C10orf143: variants seen among roughly 807,000 people sequenced by gnomAD.
The protein encoded by C10orf143 is chromosome 10 open reading frame 143, also known as uncharacterized protein C10orf143.
chr10:130,068,568 G>T (rs532903613), intron 3 of C10orf143: 1 of 124,208 alleles, frequency 8.1e-6, no homozygotes, highest in South Asian at 2.5e-4. Context: ...CTGAGATCAT[G>T]CCATTGCACT....
In C10orf143 at chr10:130,106,236, G is replaced by C. The variant is rs61750898; in HGVS notation, c.69+4468C>G. On this transcript the variant is annotated intron_variant, in intron 1 of 3. Transcript: ENST00000637128. ...CTCCTTTTTCTGTGGAGAAGTTTTA[G>C]ATCGGTTAGGAGTCGGCTTTATGTG... 6.3e-3 allele frequency: 8,804 copies of C among 1,407,146 alleles called. 467 individuals are homozygous for C. The African/African-American group carries it at 0.11, about 18-fold the overall frequency. The allele number at this position is 1,407,146 out of a possible 1,614,324, so 87.2% of individuals were successfully genotyped here. A position where few individuals can be genotyped will look rare whatever the true frequency, so the allele number is the denominator to read the frequency against.
intron 3 of C10orf143, among the ~76,000 whole-genome samples, chr10:130,050,196 T>A (rs1406882691): frequency 6.6e-6 from 1 of 152,246 alleles, no homozygotes; most frequent in African/African-American, 2.4e-5. Flanking sequence ...TGGGCCACGC[T>A]CACACCCAAA....
chr10:130,043,463 C>T lies in C10orf143; in HGVS notation c.298-7493G>A, dbSNP rs575225602. Among the ~76,000 whole-genome samples the T allele has an allele frequency of 1.5e-4, 23 of 152,258 alleles. No individual in the cohort carries two copies. The East Asian group carries it at 2.7e-3, about 18-fold the overall frequency. ...AAGACGGGCAGGTGGGAAAAAGCCC[C>T]GCCCCTCTGTACTGTGCTTCTCTCT... On this transcript the variant is annotated intron_variant and NMD_transcript_variant, in intron 3 of 5. Coordinates refer to the C10orf143 transcript ENST00000643056.
intron 3 of C10orf143, among the ~76,000 whole-genome samples, chr10:130,037,943 G>A (rs1321638976): frequency 1.3e-5 from 2 of 152,080 alleles, no homozygotes; most frequent in African/African-American, 4.8e-5. Flanking sequence ...TCCAGATTCC[G>A]GCAGGCGTCT....
In C10orf143 at chr10:130,048,572, A is replaced by C. The variant is rs867057692; in HGVS notation, c.298-12602T>G. On this transcript the variant is annotated intron_variant and NMD_transcript_variant, in intron 3 of 5. Coordinates refer to the C10orf143 transcript ENST00000643056. ...ATCCATGGGAGCCCAAAGAATTGAG[A>C]CGTGCAGGGACCTCGGTCACTTTTA... Among the ~76,000 whole-genome samples, 136 of 152,274 alleles carry C rather than the reference A, an allele frequency of 8.9e-4. No individual in the cohort carries two copies. In the Middle Eastern group the frequency reaches 0.01, roughly 11 times the overall value.
intron 1 of C10orf143, among the ~76,000 whole-genome samples, chr10:130,102,396 T>C (rs1300839465): frequency 6.6e-6 from 1 of 152,100 alleles, no homozygotes; most frequent in Non-Finnish European, 1.5e-5. Flanking sequence ...CCTCAGCCTC[T>C]TGAGTAGCTG....
intron 1 of C10orf143, among the ~76,000 whole-genome samples, 190 bp downstream of exon 1, chr10:130,110,514 T>C (rs1670506439): frequency 6.6e-6 from 1 of 152,192 alleles, no homozygotes; most frequent in African/African-American, 2.4e-5. Flanking sequence ...GAGAGCGGCG[T>C]CACAACCCCG....
intron 1 of C10orf143, among the ~76,000 whole-genome samples, chr10:130,101,864 CCA>C (rs1200404067): frequency 4.1e-5 from 1 of 24,186 alleles, no homozygotes; most frequent in Non-Finnish European, 7.7e-5. Flanking sequence ...AAAAAAAAAA[CCA>C]AAAAAAAAAA....
intron 3 of C10orf143, among the ~76,000 whole-genome samples, chr10:130,036,610 C>A (rs961370189): frequency 2.0e-5 from 3 of 152,216 alleles, no homozygotes; most frequent in Non-Finnish European, 4.4e-5. Flanking sequence ...CCACCTGGTT[C>A]CTGTAAGCGT....
chr10:130,071,064 C>T (rs1861024909), intron 3 of C10orf143, among the ~76,000 whole-genome samples: 1 of 151,994 alleles, frequency 6.6e-6, no homozygotes, highest in Non-Finnish European at 1.5e-5. Flanking sequence ...TACAGGCATG[C>T]GCCACCATGC....
intron 1 of C10orf143, among the ~76,000 whole-genome samples, chr10:130,095,038 C>T (rs962250710): frequency 4.2e-4 from 64 of 152,134 alleles, no homozygotes; most frequent in African/African-American, 1.5e-3. Context: ...TCTCAGGATA[C>T]AAAATCAATG....
At chr10:130,057,460 A>G (rs1204799136) in intron 3 of C10orf143, among the ~76,000 whole-genome samples, 1 of 152,208 alleles carries the variant, frequency 6.6e-6, no homozygotes, top group Non-Finnish European at 1.5e-5. Flanking sequence ...GTGATCACAG[A>G]AACCAAGGCC....
intron 1 of C10orf143, among the ~76,000 whole-genome samples, chr10:130,094,286 C>G (rs1861429988): frequency 6.6e-6 from 1 of 152,172 alleles, no homozygotes; most frequent in African/African-American, 2.4e-5. Context: ...CAGGCAAATT[C>G]TACCAGAGGT....
chr10:130,078,898 T>A (rs149130214), intron 3 of C10orf143, among the ~76,000 whole-genome samples: 40 of 152,326 alleles, frequency 2.6e-4, no homozygotes, highest in African/African-American at 9.6e-4. Flanking sequence ...AATTTAAATA[T>A]AATTCTATTT....
chr10:130,083,591 G>A (rs1861242012), intron 1 of C10orf143, among the ~76,000 whole-genome samples: 1 of 152,194 alleles, frequency 6.6e-6, no homozygotes, highest in South Asian at 2.1e-4. Context: ...CCATGAACTG[G>A]TCTAGAGTGA....
intron 1 of C10orf143, chr10:130,101,245 T>C (rs1367601825): frequency 6.6e-6 from 1 of 151,718 alleles, no homozygotes; most frequent in African/African-American, 2.4e-5. Flanking sequence ...TATCTATTTA[T>C]CTAGGCTGAA....
downstream of C10orf143, among the ~76,000 whole-genome samples, chr10:130,061,039 G>A (rs2134741422): frequency 6.6e-6 from 1 of 152,112 alleles, no homozygotes; most frequent in African/African-American, 2.4e-5. Flanking sequence ...TCAGGATGCT[G>A]AGGAGGTACT....
chr10:130,081,555 C>A (rs1385355239), intron 1 of C10orf143, among the ~76,000 whole-genome samples: 1 of 151,986 alleles, frequency 6.6e-6, no homozygotes, highest in Non-Finnish European at 1.5e-5. Flanking sequence ...ACAGTTACAA[C>A]TGATGGCATT....
At chr10:130,055,952 T>TTAAAA (rs1860789333) in intron 3 of C10orf143, among the ~76,000 whole-genome samples, 1 of 65,860 alleles carries the variant, frequency 1.5e-5, no homozygotes, top group Non-Finnish European at 2.7e-5. Flanking sequence ...TCTCCAAAAG[T>TTAAAA]AAAAAAAAAA....
Sources: gnomAD v4.1 joint callset for allele counts (sites outside exome capture counted in the v4.1 genomes callset) on GRCh38, gnomAD v4.1.1 for gene constraint, MANE v1.5 for transcripts, NCBI Gene and HGNC (gene_info 2026-07-23, HGNC 2026-07-21) for gene names.